RANBP2: variants seen among roughly 807,000 people sequenced by gnomAD.
RANBP2 encodes E3 SUMO-protein ligase RanBP2.
A neutral mutation model predicts 303.6 loss-of-function variants in RANBP2; 57 were observed. The observed-to-expected ratio is 0.19, with a 90% CI of 0.15 to 0.23. The LOEUF is 0.23. Ranked by LOEUF, RANBP2 falls within the 10% of genes least tolerant of loss-of-function variation. The pLI, the probability that RANBP2 is intolerant of heterozygous loss-of-function variation, is 1.00. For missense variants in RANBP2, 3,138 were observed against 3,780.8 expected, an observed-to-expected ratio of 0.83 and a Z score of 4.46; for synonymous variants, 1,167 against 1,301.5, an observed-to-expected ratio of 0.90 and a Z score of 2.23.
chr2:108,842,594 T>TGAGGTGTGAGGGTCTGTGAGAC, the RANBP2 span, among the ~76,000 whole-genome samples: 1 of 152,074 alleles, frequency 6.6e-6, no homozygotes, highest in African/African-American at 2.4e-5. Flanking sequence ...CAGTCCGTAG[T>TGAGGTGTGAGGGTCTGTGAGAC]GAGGTGTGAG....
chr2:109,502,752 C>A, the RANBP2 span: 1 of 152,240 alleles, frequency 6.6e-6, no homozygotes, highest in Non-Finnish European at 1.5e-5. Context: ...GCAGGTCAAC[C>A]CCAGCCGGGA....
At chr2:109,640,231 C>T in the RANBP2 span, among the ~76,000 whole-genome samples, 5 of 151,854 alleles carry the variant, frequency 3.3e-5, no homozygotes, top group Non-Finnish European at 7.4e-5. Flanking sequence ...GCGGGCGGAT[C>T]ACCTGAGGTC....
Position 108,782,583 on chromosome 2 carries a change from T to C in RANBP2, c.9090T>C (p.Ala3030=). The change falls in exon 28 of 29, where the codon GCT becomes GCC. Residue 3030 remains alanine, a synonymous_variant. Coordinates refer to ENST00000283195, the MANE Select transcript of RANBP2 (RefSeq NM_006267.5). ...LAVRFKTKEV[A]DCFKKTFEEC... ...TGAGATTTAAAACTAAAGAAGTAGC[T>C]GATTGTTTCAAGAAAACATTTGAAG... 6.2e-7 allele frequency: 1 copy of C among 1,614,214 alleles called. No homozygotes were observed. The highest frequency in any genetic ancestry group is 8.5e-7 in the Non-Finnish European group (1 of 1,180,036).
the RANBP2 span, among the ~76,000 whole-genome samples, chr2:109,652,277 C>T: frequency 1.3e-5 from 2 of 151,718 alleles, no homozygotes; most frequent in East Asian, 1.9e-4. Flanking sequence ...GTCTGGAGCG[C>T]AGTGGCGCCA....
chr2:109,072,959 A>T, the RANBP2 span, among the ~76,000 whole-genome samples: 1 of 152,198 alleles, frequency 6.6e-6, no homozygotes, highest in African/African-American at 2.4e-5. Context: ...GAGGAGGCTC[A>T]TCTGTGAAGA....
the RANBP2 span, chr2:109,503,002 G>A: frequency 2.6e-5 from 4 of 152,222 alleles, no homozygotes; most frequent in East Asian, 3.9e-4. Context: ...CAAGATCGGG[G>A]AGTTGGGAGG....
chr2:108,997,599 C>G, the RANBP2 span, among the ~76,000 whole-genome samples: 1 of 151,714 alleles, frequency 6.6e-6, no homozygotes, highest in Non-Finnish European at 1.5e-5. Context: ...GGTGTTAAGA[C>G]ACTGCTCTGT....
chr2:109,228,447 T>C, the RANBP2 span, among the ~76,000 whole-genome samples: 2 of 152,190 alleles, frequency 1.3e-5, no homozygotes, highest in Non-Finnish European at 1.5e-5. Flanking sequence ...TGATACCAGA[T>C]GTGTGTGGGG....
chr2:109,160,209 G>A, the RANBP2 span, among the ~76,000 whole-genome samples: 2 of 152,176 alleles, frequency 1.3e-5, no homozygotes, highest in Admixed American at 6.5e-5. Flanking sequence ...GGGTCTTGTG[G>A]GATGAACAGC....
chr2:109,107,284 C>T, the RANBP2 span, among the ~76,000 whole-genome samples: 3 of 151,616 alleles, frequency 2.0e-5, no homozygotes, highest in Non-Finnish European at 2.9e-5. Flanking sequence ...TGGAGACCAT[C>T]CACGGAAGAG....
chr2:109,338,604 C>G, the RANBP2 span, among the ~76,000 whole-genome samples: 1 of 152,208 alleles, frequency 6.6e-6, no homozygotes, highest in Non-Finnish European at 1.5e-5. Flanking sequence ...GTTGCCCAGA[C>G]TGGAATGCAG....
At chr2:108,788,018 CT>C (rs5833305), downstream of RANBP2, 11,406 of 1,209,612 alleles carry the variant, frequency 9.4e-3, no homozygotes, top group East Asian at 0.014. Flanking sequence ...TAAATCTTTT[CT>C]TTTTTTTTTT....
chr2:109,540,041 G>C, the RANBP2 span, among the ~76,000 whole-genome samples: 1 of 152,126 alleles, frequency 6.6e-6, no homozygotes, highest in Admixed American at 6.5e-5. Flanking sequence ...TACACATCTA[G>C]GACTGGGATT....
chr2:109,445,695 G>A, the RANBP2 span, among the ~76,000 whole-genome samples: 28 of 152,138 alleles, frequency 1.8e-4, 1 homozygote, highest in Admixed American at 9.2e-4. Flanking sequence ...GGGTGAAGGC[G>A]TTGACCTGGT....
chr2:109,174,580 T>C, the RANBP2 span, among the ~76,000 whole-genome samples: 1 of 152,170 alleles, frequency 6.6e-6, no homozygotes, highest in Non-Finnish European at 1.5e-5. Flanking sequence ...ATTCCCTCCA[T>C]TGTGGCTATG....
intron 24 of RANBP2, among the ~76,000 whole-genome samples, chr2:108,776,665 A>G (rs1265873188): frequency 6.6e-6 from 1 of 152,188 alleles, no homozygotes; most frequent in Non-Finnish European, 1.5e-5. Context: ...GCTTCACATT[A>G]GCAGAATTAA....
chr2:109,339,928 G>A, the RANBP2 span, among the ~76,000 whole-genome samples: 1 of 152,202 alleles, frequency 6.6e-6, no homozygotes, highest in East Asian at 1.9e-4. Flanking sequence ...CGCCTTTTGG[G>A]GGAGTGAGGA....
At chr2:109,253,020 CT>C in the RANBP2 span, among the ~76,000 whole-genome samples, 2 of 151,344 alleles carry the variant, frequency 1.3e-5, no homozygotes, top group Admixed American at 6.6e-5. Flanking sequence ...GTAGCCTTTA[CT>C]TTTTTTTTCT....
At chr2:108,994,681 G>A in the RANBP2 span, among the ~76,000 whole-genome samples, 12 of 151,810 alleles carry the variant, frequency 7.9e-5, no homozygotes, top group South Asian at 2.1e-4. Flanking sequence ...TCATGGCTCC[G>A]GGGAAAGGGG....
Sources: gnomAD v4.1 joint callset for allele counts (sites outside exome capture counted in the v4.1 genomes callset) on GRCh38, gnomAD v4.1.1 for gene constraint, MANE v1.5 for transcripts, NCBI Gene and HGNC (gene_info 2026-07-23, HGNC 2026-07-21) for gene names.